Variants in TTC7B observed in about 807,000 individuals in gnomAD.
The protein encoded by TTC7B is tetratricopeptide repeat protein 7B.
TTC7B carries 28 observed loss-of-function variants against 106.8 expected under a neutral mutation model. The observed-to-expected ratio is 0.26, with a 90% CI of 0.19 to 0.36. The LOEUF is 0.36. TTC7B is among the 10% of genes least tolerant of loss of function. TTC7B has a pLI of 1.00. For synonymous variants in TTC7B, 405 were observed against 430.6 expected, an observed-to-expected ratio of 0.94 and a Z score of 0.74; for missense variants, 862 against 1,076.4, an observed-to-expected ratio of 0.80 and a Z score of 2.79.
At chr14:90,573,640 G>A (rs527886291) in intron 19 of TTC7B, among the ~76,000 whole-genome samples, 1 of 135,996 alleles carries the variant, frequency 7.4e-6, no homozygotes, top group East Asian at 2.3e-4. Context: ...GGTCCCTTTC[G>A]GGCTCATGGT....
intron 19 of TTC7B, among the ~76,000 whole-genome samples, chr14:90,558,487 C>A (rs1170612268): frequency 6.6e-6 from 1 of 152,264 alleles, no homozygotes; most frequent in Non-Finnish European, 1.5e-5. Context: ...CACTACCTGC[C>A]ACGGCGAGTC....
chr14:90,797,840 C>T lies in TTC7B; in HGVS notation c.122-11512G>A, dbSNP rs190956357. ...AACCTATAAGGTCCTTGACAGGATA[C>T]CTGTTAACTGAGTTATGGTGCACCC... On this transcript the variant is annotated intron_variant, in intron 1 of 19. Coordinates refer to ENST00000328459, the MANE Select transcript of TTC7B (RefSeq NM_001010854.2). Among the ~76,000 whole-genome samples, 109 of 152,208 alleles carry T rather than the reference C, an allele frequency of 7.2e-4. 1 individual carries two copies. The highest frequency in any genetic ancestry group is 2.5e-3 in the African/African-American group (102 of 41,524).
At position 90,549,531 on chromosome 14, in the gene TTC7B, G is replaced by A. The variant is rs140463195; in HGVS notation, c.2311-7942C>T. Among the ~76,000 whole-genome samples, 555 of 152,328 alleles carry A rather than the reference G, an allele frequency of 3.6e-3. 3 individuals carry two copies. The highest frequency in any genetic ancestry group is 0.013 in the African/African-American group (534 of 41,564). On this transcript the variant is annotated intron_variant, in intron 19 of 19. Coordinates refer to ENST00000328459, the MANE Select transcript of TTC7B (RefSeq NM_001010854.2). ...GCTGGCCACAGATGGCACACTGGGGGCTCAGGGTGTAGGTGAGGGGCCTGA... is the reference window on the plus strand; with the variant it reads ...GCTGGCCACAGATGGCACACTGGGGACTCAGGGTGTAGGTGAGGGGCCTGA...
At chr14:90,723,304 C>T (rs931321679) in intron 5 of TTC7B, among the ~76,000 whole-genome samples, 1 of 152,200 alleles carries the variant, frequency 6.6e-6, no homozygotes. Context: ...TTCTCTTGGT[C>T]TCTATACCCT....
chr14:90,704,400 A>G (rs1377763584), intron 5 of TTC7B, among the ~76,000 whole-genome samples: 1 of 152,248 alleles, frequency 6.6e-6, no homozygotes, highest in Non-Finnish European at 1.5e-5. Context: ...TAGAAATAAC[A>G]GGGAACATGC....
chr14:90,672,475 C>T (rs1035793119), intron 9 of TTC7B, among the ~76,000 whole-genome samples: 2 of 152,176 alleles, frequency 1.3e-5, no homozygotes, highest in Non-Finnish European at 2.9e-5. Context: ...GCCCTGGGTT[C>T]CTGTTCCCTT....
chr14:90,609,934 T>C (rs576411966), intron 17 of TTC7B, among the ~76,000 whole-genome samples: 35 of 152,324 alleles, frequency 2.3e-4, no homozygotes, highest in African/African-American at 8.2e-4. Context: ...CCTGATTTCA[T>C]GTGATGGGCT....
chr14:90,736,261 A>C (rs1174608107), intron 4 of TTC7B, among the ~76,000 whole-genome samples: 1 of 151,924 alleles, frequency 6.6e-6, no homozygotes, highest in Non-Finnish European at 1.5e-5. Context: ...ATAGTGAAAA[A>C]ATTTTTGTTT....
intron 18 of TTC7B, chr14:90,585,928 G>A (rs1380892271): frequency 2.0e-5 from 3 of 152,284 alleles, no homozygotes; most frequent in South Asian, 4.1e-4. Flanking sequence ...TGCTTTTGTC[G>A]CTACATTCCC....
chr14:90,756,384 G>T lies in TTC7B; in HGVS notation c.446-11462C>A, dbSNP rs12885953. ...ATTTTATTTTCTTCTTTTTTTTTTT[G>T]TTTTTTTTTTTTGTTTTTTTGTTTT... On this transcript the variant is annotated intron_variant, in intron 3 of 19. Transcript: ENST00000328459. Among the ~76,000 whole-genome samples, 714 of 126,730 alleles carry T rather than the reference G, an allele frequency of 5.6e-3. 4 individuals carry two copies. The highest frequency in any genetic ancestry group is 0.014 in the African/African-American group (371 of 26,606). 83.1% of individuals were successfully genotyped at this position (126,730 alleles called of 152,430 possible). A position where few individuals can be genotyped will look rare whatever the true frequency, so the allele number is the denominator to read the frequency against.
rs1448026823 is a variant in TTC7B, at chr14:90,808,960, C to T, written c.121+7215G>A. 1.3e-5 allele frequency among the ~76,000 whole-genome samples: 2 copies of T among 152,216 alleles called. No homozygotes were observed. Among genetic ancestry groups the T allele is most frequent in the Non-Finnish European group, 2.9e-5 (2 of 68,044 alleles). ...TACCAGTTAGAACGCCTTCAGCAGC[C>T]AGTAACGACCAAACGCCTGACTCAG... is the stretch of plus-strand genomic sequence containing the variant. On this transcript the variant is annotated intron_variant, in intron 1 of 19. Transcript: ENST00000328459. The surrounding 1 kb of genome is among the most constrained non-coding windows in gnomAD (Gnocchi z 4.2).
intron 18 of TTC7B, among the ~76,000 whole-genome samples, chr14:90,584,117 C>G (rs1273160365): frequency 1.3e-5 from 2 of 152,180 alleles, no homozygotes; most frequent in Non-Finnish European, 1.5e-5. Context: ...CTGGGTCAAG[C>G]CTGTTCCTTC....
intron 19 of TTC7B, among the ~76,000 whole-genome samples, chr14:90,557,883 T>C (rs1595156804): frequency 6.6e-6 from 1 of 152,336 alleles, no homozygotes; most frequent in East Asian, 1.9e-4. Context: ...CAGGAAACTC[T>C]GGAAAGCTCA....
intron 5 of TTC7B, among the ~76,000 whole-genome samples, chr14:90,696,803 G>T (rs1887768168): frequency 6.6e-6 from 1 of 152,158 alleles, no homozygotes; most frequent in Non-Finnish European, 1.5e-5. Flanking sequence ...AAGAGAAGCT[G>T]TGCTCAGGAT....
intron 1 of TTC7B, among the ~76,000 whole-genome samples, chr14:90,795,351 C>T (rs1891739569): frequency 6.6e-6 from 1 of 152,208 alleles, no homozygotes; most frequent in African/African-American, 2.4e-5. Context: ...AACACAGAAG[C>T]GGGGACCTTA....
chr14:90,732,629 C>T (rs914751437), intron 4 of TTC7B, among the ~76,000 whole-genome samples: 5 of 152,150 alleles, frequency 3.3e-5, no homozygotes, highest in Non-Finnish European at 4.4e-5. Flanking sequence ...CCAACTGCCT[C>T]GGCCTGCCAA....
intron 1 of TTC7B, among the ~76,000 whole-genome samples, chr14:90,797,142 AC>A (rs2029927443): frequency 6.8e-6 from 1 of 146,000 alleles, no homozygotes; most frequent in African/African-American, 2.5e-5. Flanking sequence ...AACTTGCCTG[AC>A]CCAGGTTCTC....
chr14:90,699,841 C>T (rs1008232309), intron 5 of TTC7B, among the ~76,000 whole-genome samples: 4 of 152,322 alleles, frequency 2.6e-5, no homozygotes, highest in African/African-American at 4.8e-5. Context: ...CAGGGGACAC[C>T]GTCCCTGCCT....
At chr14:90,652,941 G>A (rs1051900503) in intron 12 of TTC7B, 43 bp from the exon 13 acceptor site, 2 of 1,603,076 alleles carry the variant, frequency 1.2e-6, no homozygotes, top group East Asian at 4.5e-5. Context: ...GGGGATCAGG[G>A]AATTTTGACA....
Sources: allele counts gnomAD v4.1 joint callset (sites outside exome capture counted in the v4.1 genomes callset), GRCh38; gene constraint gnomAD v4.1.1; non-coding constraint Gnocchi (gnomAD v3.1); transcripts MANE v1.5; gene names NCBI Gene and HGNC (gene_info 2026-07-23, HGNC 2026-07-21).